The following STAU2 variants were observed in gnomAD, a reference collection of about 807,000 sequenced individuals.
STAU2 encodes staufen double-stranded RNA binding protein 2.
A neutral mutation model predicts 65.9 loss-of-function variants in STAU2; 20 were observed. The observed-to-expected ratio is 0.30, with a 90% CI of 0.21 to 0.44. The LOEUF is 0.44. Ranked by LOEUF, STAU2 falls within the 20% of genes least tolerant of loss-of-function variation. The pLI is 1.00. For synonymous variants in STAU2, 232 were observed against 233.9 expected (o/e 0.99, Z 0.07); for missense variants, 558 against 683.9 (o/e 0.82, Z 2.05).
chr8:73,522,876 G>A (rs1436761476), intron 13 of STAU2, among the ~76,000 whole-genome samples: 2 of 152,068 alleles, frequency 1.3e-5, no homozygotes, highest in African/African-American at 4.8e-5. Context: ...AGTGGGCTTA[G>A]ACCACTTTTT....
intron 4 of STAU2, among the ~76,000 whole-genome samples, chr8:73,706,579 T>G (rs990255040): frequency 6.6e-6 from 1 of 152,184 alleles, no homozygotes; most frequent in South Asian, 2.1e-4. Flanking sequence ...CTTAGCCAAT[T>G]AGGATTAATA....
chr8:73,618,559 C>A (rs775015459), intron 6 of STAU2, among the ~76,000 whole-genome samples: 17 of 152,198 alleles, frequency 1.1e-4, no homozygotes, highest in Non-Finnish European at 2.1e-4. Context: ...GCCTTCCCTA[C>A]AAATTGCTGT....
chr8:73,711,131 C>CAAAAA (rs751087630), intron 3 of STAU2, among the ~76,000 whole-genome samples: 5 of 31,096 alleles, frequency 1.6e-4, no homozygotes, highest in African/African-American at 3.7e-4. Context: ...AAGTGGCTTG[C>CAAAAA]AAAAAAAAAA....
intron 4 of STAU2, among the ~76,000 whole-genome samples, chr8:73,708,551 T>C (rs1477205174): frequency 6.6e-6 from 1 of 152,204 alleles, no homozygotes. Context: ...ATACAACTTT[T>C]ATAAATGATT....
In STAU2 at chr8:73,552,155, T is replaced by C. The variant is rs145795257; in HGVS notation, c.1387A>G (p.Thr463Ala). 5.3e-5 allele frequency: 85 copies of C among 1,613,886 alleles called. No individual in the cohort carries two copies. Among genetic ancestry groups the C allele is most frequent in the Middle Eastern group, 1.6e-4 (1 of 6,084 alleles). ...SISPTSNSSA[T>A]IARELLMNGT... ...TTCATAAGGAGTTCCCTGGCAATTG[T>C]AGCTGAACTATTCGATGTGGGAGAT... Residue 463 changes from threonine to alanine, a missense_variant, in exon 13 of 15, where the codon ACA (threonine) becomes GCA (alanine). This residue lies in a region of STAU2 where 247 missense variants were observed against 270.1 expected (regional missense o/e 0.91). Transcript: ENST00000524300.
intron 6 of STAU2, among the ~76,000 whole-genome samples, chr8:73,651,892 C>T (rs1156403171): frequency 6.6e-6 from 1 of 152,186 alleles, no homozygotes; most frequent in Non-Finnish European, 1.5e-5. Context: ...TGTGGAGGCA[C>T]CTCTCACCCT....
At chr8:73,622,046 T>C (rs1201248322) in intron 6 of STAU2, among the ~76,000 whole-genome samples, 1 of 129,538 alleles carries the variant, frequency 7.7e-6, no homozygotes, top group Non-Finnish European at 1.6e-5. Context: ...AAGCTCCGCC[T>C]CCCGGGTTCT....
chr8:73,657,938 C>T (rs1011495754), intron 6 of STAU2, among the ~76,000 whole-genome samples: 11 of 152,010 alleles, frequency 7.2e-5, no homozygotes, highest in Non-Finnish European at 1.5e-4. Flanking sequence ...CGCTTGAACC[C>T]AGGAGGCGGA....
intron 12 of STAU2, among the ~76,000 whole-genome samples, chr8:73,568,602 C>T (rs1444009296): frequency 2.8e-5 from 2 of 71,010 alleles, no homozygotes; most frequent in East Asian, 2.4e-4. Flanking sequence ...GAGTGAGACC[C>T]TATCTCAAAA....
At chr8:73,683,034 C>T (rs1818544301) in intron 5 of STAU2, among the ~76,000 whole-genome samples, 1 of 151,808 alleles carries the variant, frequency 6.6e-6, no homozygotes, top group South Asian at 2.1e-4. Flanking sequence ...AACAGACTTT[C>T]AAAAAAAGAA....
At chr8:73,679,427 C>T (rs1203025100) in intron 5 of STAU2, among the ~76,000 whole-genome samples, 1 of 152,186 alleles carries the variant, frequency 6.6e-6, no homozygotes, top group East Asian at 1.9e-4. Flanking sequence ...GCTGCAAACT[C>T]CATGAGACAG....
At chr8:73,524,715 C>T (rs1014638651) in intron 13 of STAU2, among the ~76,000 whole-genome samples, 4 of 152,092 alleles carry the variant, frequency 2.6e-5, no homozygotes, top group Admixed American at 1.3e-4. Context: ...TCTCAGAATA[C>T]CAATTCTGTT....
At chr8:73,610,785 A>C (rs73686852) in intron 9 of STAU2, among the ~76,000 whole-genome samples, 23,613 of 152,192 alleles carry the variant, frequency 0.16, 1,864 homozygotes, top group African/African-American at 0.18. Context: ...AACAGAATGT[A>C]AACACAAAGA....
intron 13 of STAU2, among the ~76,000 whole-genome samples, chr8:73,469,181 C>A (rs1819832511): frequency 6.6e-6 from 1 of 152,150 alleles, no homozygotes; most frequent in South Asian, 2.1e-4. Flanking sequence ...TAGAAACTGT[C>A]ATTCTCAGCA....
At chr8:73,548,123 C>A (rs1255576239) in intron 13 of STAU2, among the ~76,000 whole-genome samples, 1 of 151,894 alleles carries the variant, frequency 6.6e-6, no homozygotes, top group African/African-American at 2.4e-5. Flanking sequence ...CCTGCAGATA[C>A]CAAGAGACAA....
intron 13 of STAU2, chr8:73,440,205 C>T (rs1281701983): frequency 6.6e-6 from 1 of 152,252 alleles, no homozygotes; most frequent in African/African-American, 2.4e-5. Context: ...CTTATCTTCT[C>T]CATCAAAATT....
intron 12 of STAU2, among the ~76,000 whole-genome samples, chr8:73,565,646 C>T (rs1808550288): frequency 6.6e-6 from 1 of 152,130 alleles, no homozygotes; most frequent in Non-Finnish European, 1.5e-5. Context: ...TTTGATTTAA[C>T]CCACCACCAC....
Position 73,738,326 on chromosome 8 carries a change from C to T in STAU2, c.-60G>A, listed in dbSNP as rs1806587597. Reference sequence around the variant, plus strand: ...TGTTAAGACAATATTGACCAAACTGCTGTATCCCTCACGGCTCCAAAAACT... The same window carrying T: ...TGTTAAGACAATATTGACCAAACTGTTGTATCCCTCACGGCTCCAAAAACT... On this transcript the variant is annotated 5_prime_UTR_variant, in exon 3 of 15. Coordinates refer to ENST00000524300, the MANE Select transcript of STAU2 (RefSeq NM_001164380.2). 3.1e-6 allele frequency: 5 copies of T among 1,598,554 alleles called. No individual in the cohort carries two copies. Among genetic ancestry groups the T allele is most frequent in the Admixed American group, 3.6e-5 (2 of 55,964 alleles).
intron 6 of STAU2, among the ~76,000 whole-genome samples, chr8:73,639,436 G>C (rs1230246425): frequency 1.3e-5 from 2 of 152,066 alleles, no homozygotes; most frequent in African/African-American, 2.4e-5. Context: ...AGATGAATGA[G>C]ATGCTAAAAC....
Sources: gnomAD v4.1 joint callset for allele counts (sites outside exome capture counted in the v4.1 genomes callset) on GRCh38, gnomAD v4.1.1 for gene constraint, gnomAD v4.1.1 regional missense constraint, MANE v1.5 for transcripts, NCBI Gene and HGNC (gene_info 2026-07-23, HGNC 2026-07-21) for gene names.